Variants in CIAO2A observed in about 807,000 individuals in gnomAD.
CIAO2A encodes the protein MIP18 family protein FAM96A.
Under a neutral mutation model 22.4 loss-of-function variants are expected in CIAO2A, and 17 were observed. The observed-to-expected ratio is 0.76, with a 90% confidence interval of 0.52 to 1.14. The LOEUF (loss-of-function observed/expected upper bound fraction) is 1.14. CIAO2A is among the 50% of genes most tolerant of loss of function. The pLI is 0.00. For synonymous variants in CIAO2A, 74 were observed against 72.3 expected, an observed-to-expected ratio of 1.02 and a Z score of -0.12; for missense variants, 192 against 191.4, an observed-to-expected ratio of 1.00 and a Z score of -0.02.
At chr15:64,091,532 A>C (rs2080839689) in intron 1 of CIAO2A, among the ~76,000 whole-genome samples, 1 of 152,014 alleles carries the variant, frequency 6.6e-6, no homozygotes, top group Non-Finnish European at 1.5e-5. Context: ...AAACATAGGC[A>C]AGAAAGTCGA....
At chr15:64,089,596 T>TA (rs983433598) in intron 1 of CIAO2A, among the ~76,000 whole-genome samples, 4 of 152,124 alleles carry the variant, frequency 2.6e-5, no homozygotes, top group Non-Finnish European at 4.4e-5. Flanking sequence ...AAAGGTGTTT[T>TA]AGAGTATGAG....
At chr15:64,076,274 A>G (rs2080716804) in intron 3 of CIAO2A, among the ~76,000 whole-genome samples, 1 of 152,120 alleles carries the variant, frequency 6.6e-6, no homozygotes, top group Non-Finnish European at 1.5e-5. Flanking sequence ...GGTTTCTTCC[A>G]TATTCTTCTC....
At chr15:64,078,972 T>A (rs765360587) in intron 3 of CIAO2A, among the ~76,000 whole-genome samples, 1 of 151,016 alleles carries the variant, frequency 6.6e-6, no homozygotes, top group Non-Finnish European at 1.5e-5. Context: ...GCCTGGGAGA[T>A]CAAAGGTTCA....
intron 3 of CIAO2A, among the ~76,000 whole-genome samples, chr15:64,078,639 C>CAAAAAAAAAAAAAAAA (rs56266808): frequency 5.4e-4 from 70 of 129,080 alleles, no homozygotes; most frequent in African/African-American, 2.0e-3. Flanking sequence ...CCATCGCAAA[C>CAAAAAAAAAAAAAAAA]AAAAAAAAAA....
At chr15:64,093,232 C>T (rs1468367908) in intron 1 of CIAO2A, among the ~76,000 whole-genome samples, 1 of 152,168 alleles carries the variant, frequency 6.6e-6, no homozygotes, top group Non-Finnish European at 1.5e-5. Context: ...GCGCCCTCAG[C>T]GGTAGCAAGA....
chr15:64,093,491 A>T (rs2080860786), intron 1 of CIAO2A, among the ~76,000 whole-genome samples, 154 bp downstream of exon 1: 1 of 151,908 alleles, frequency 6.6e-6, no homozygotes, highest in African/African-American at 2.4e-5. Context: ...AGCGCCTGCT[A>T]CGCCCCGGAC....
chr15:64,075,437 C>T (rs750488552), intron 4 of CIAO2A, 55 bp downstream of exon 4: 1 of 1,148,748 alleles, frequency 8.7e-7, no homozygotes, highest in Admixed American at 2.5e-5. Context: ...ATCCAGTATC[C>T]AAGATAAAAT....
chr15:64,093,733 C>A lies in CIAO2A; in HGVS notation c.36G>T (p.Leu12=). The part of the protein sequence containing the change: ...QRVSGLLSWT[L]SRVLWLSGLS... ...GGCCGGAGAGCCACAGGACTCTGCTCAGCGTCCAGGAGAGCAGCCCGGACA... is the reference window on the plus strand; with the variant it reads ...GGCCGGAGAGCCACAGGACTCTGCTAAGCGTCCAGGAGAGCAGCCCGGACA... The change falls in exon 1 of 5, where the codon CTG becomes CTT. Residue 12 remains leucine, a synonymous_variant. Transcript: ENST00000300030. 1 of 1,614,046 alleles carries A rather than the reference C, an allele frequency of 6.2e-7. No individual in the cohort carries two copies. Among genetic ancestry groups the A allele is most frequent in the African/African-American group, 1.3e-5 (1 of 75,034 alleles).
intron 2 of CIAO2A, among the ~76,000 whole-genome samples, chr15:64,087,607 G>A (rs1298524558): frequency 1.3e-5 from 2 of 152,136 alleles, no homozygotes; most frequent in Non-Finnish European, 2.9e-5. Context: ...CCTATATGGT[G>A]GAAACCACCA....
intron 3 of CIAO2A, among the ~76,000 whole-genome samples, chr15:64,076,604 T>C (rs2080718954): frequency 6.6e-6 from 1 of 152,122 alleles, no homozygotes; most frequent in Non-Finnish European, 1.5e-5. Context: ...CAGAGAACAC[T>C]GGAACATATG....
chr15:64,089,729 C>T (rs1024964945), intron 1 of CIAO2A, among the ~76,000 whole-genome samples: 1 of 152,102 alleles, frequency 6.6e-6, no homozygotes, highest in Non-Finnish European at 1.5e-5. Flanking sequence ...TCATCAGCTG[C>T]TAGACTCAGA....
chr15:64,081,184 CTT>C (rs1377077413), intron 2 of CIAO2A, 33 bp from the exon 3 acceptor site: 2 of 1,594,916 alleles, frequency 1.3e-6, no homozygotes, highest in African/African-American at 2.7e-5. Context: ...CCAATTATCT[CTT>C]TATTGCTTCT....
chr15:64,087,326 C>G (rs1490220206), intron 2 of CIAO2A, among the ~76,000 whole-genome samples: 1 of 151,916 alleles, frequency 6.6e-6, no homozygotes, highest in Non-Finnish European at 1.5e-5. Flanking sequence ...CTCCTGACCT[C>G]GTGATCTGCC....
intron 1 of CIAO2A, among the ~76,000 whole-genome samples, 195 bp downstream of exon 1, chr15:64,093,450 C>A (rs2080860121): frequency 1.3e-5 from 2 of 152,062 alleles, no homozygotes; most frequent in Non-Finnish European, 2.9e-5. Flanking sequence ...GAAAGACCCA[C>A]ACCCCCCACG....
chr15:64,078,113 C>A (rs1043953641), intron 3 of CIAO2A, among the ~76,000 whole-genome samples: 1 of 152,090 alleles, frequency 6.6e-6, no homozygotes, highest in South Asian at 2.1e-4. Flanking sequence ...TACTATTCTT[C>A]ACTATTTTAT....
intron 2 of CIAO2A, among the ~76,000 whole-genome samples, chr15:64,086,233 AC>A (rs1158357516): frequency 1.3e-5 from 2 of 151,104 alleles, no homozygotes; most frequent in Non-Finnish European, 3.0e-5. Flanking sequence ...ACATAGTGAA[AC>A]CCCATCTCTA....
intron 1 of CIAO2A, among the ~76,000 whole-genome samples, chr15:64,091,040 A>C (rs922593960): frequency 2.0e-5 from 3 of 152,332 alleles, no homozygotes; most frequent in Non-Finnish European, 4.4e-5. Flanking sequence ...GCAGAATTTT[A>C]CATAGAATGT....
chr15:64,088,889 A>G (rs1425677068), intron 1 of CIAO2A, 38 bp from the exon 2 acceptor site: 1 of 1,562,676 alleles, frequency 6.4e-7, no homozygotes, highest in African/African-American at 1.4e-5. Context: ...CTATTAAAAC[A>G]TGACTATTCT....
At chr15:64,086,499 C>T (rs763707492) in intron 2 of CIAO2A, among the ~76,000 whole-genome samples, 3 of 152,156 alleles carry the variant, frequency 2.0e-5, no homozygotes, top group Non-Finnish European at 4.4e-5. Context: ...TATTTTAAGA[C>T]ACCCCCTCCA....
Sources: gnomAD v4.1 joint callset for allele counts (sites outside exome capture counted in the v4.1 genomes callset) on GRCh38, gnomAD v4.1.1 for gene constraint, MANE v1.5 for transcripts, NCBI Gene and HGNC (gene_info 2026-07-23, HGNC 2026-07-21) for gene names.